PSAP: variants seen among roughly 807,000 people sequenced by gnomAD.
PSAP encodes precursor of saposins.
PSAP carries 25 observed loss-of-function variants against 66.0 expected under a neutral mutation model. That is an observed-to-expected ratio of 0.38 (90% CI 0.28 to 0.53). PSAP has a LOEUF of 0.53. Ranked by LOEUF, PSAP falls within the 20% of genes least tolerant of loss-of-function variation. PSAP has a pLI of 0.83. For synonymous variants in PSAP, 273 were observed against 258.9 expected (o/e 1.05, Z -0.52); for missense variants, 649 against 668.8 (o/e 0.97, Z 0.33).
rs1361617663 is a variant in PSAP, at chr10:71,816,431, G to C, written c.*1010C>G. 8.5e-6 allele frequency: 4 copies of C among 471,106 alleles called. No homozygotes were observed. Among genetic ancestry groups the C allele is most frequent in the Non-Finnish European group, 1.8e-5 (4 of 227,064 alleles). 29.2% of individuals were successfully genotyped at this position (471,106 alleles called of 1,614,324 possible). ...TCCTGGCAACCAGAAGTGGACAGAAGCGTGGGTGCCCAAGTGGGCCACAGA... is the reference window on the plus strand; with the variant it reads ...TCCTGGCAACCAGAAGTGGACAGAACCGTGGGTGCCCAAGTGGGCCACAGA... On this transcript the variant is annotated 3_prime_UTR_variant, in exon 14 of 14. Transcript: ENST00000394936.
intron 8 of PSAP, among the ~76,000 whole-genome samples, chr10:71,821,308 G>A (rs1193379663): frequency 1.3e-5 from 2 of 152,178 alleles, no homozygotes; most frequent in African/African-American, 4.8e-5. Flanking sequence ...TAAGCCCCAC[G>A]GGCACAATGA....
intron 11 of PSAP, 80 bp from the exon 12 acceptor site, chr10:71,819,191 G>A (rs2133029973): frequency 7.7e-7 from 1 of 1,292,866 alleles, no homozygotes; most frequent in Non-Finnish European, 1.1e-6. Context: ...GGCAGGCCCT[G>A]GATACACTGT....
chr10:71,848,074 C>G (rs771905721), intron 1 of PSAP, among the ~76,000 whole-genome samples: 2 of 152,152 alleles, frequency 1.3e-5, no homozygotes, highest in Non-Finnish European at 2.9e-5. Flanking sequence ...CTTTTTCCAC[C>G]AGAGGACTCA....
chr10:71,851,117 CCCATTCTGGGGCAGATGGA>C, intron 1 of PSAP, 46 bp downstream of exon 1: 1 of 1,530,146 alleles, frequency 6.5e-7, no homozygotes, highest in Non-Finnish European at 8.9e-7. Context: ...CCCGGCACAG[CCCATTCTGGGGCAGATGGA>C]CGCTGCGAGG....
intron 6 of PSAP, among the ~76,000 whole-genome samples, chr10:71,826,824 G>C (rs895841920): frequency 2.0e-5 from 3 of 152,066 alleles, no homozygotes; most frequent in African/African-American, 7.2e-5. Flanking sequence ...CCAAAGGACA[G>C]AGTAATTACA....
intron 1 of PSAP, among the ~76,000 whole-genome samples, chr10:71,846,668 G>T (rs781749231): frequency 4.7e-5 from 7 of 148,164 alleles, no homozygotes; most frequent in Non-Finnish European, 8.9e-5. Flanking sequence ...GGAGGTGGAG[G>T]TTGCAGTGAG....
chr10:71,829,692 T>C (rs924717800), intron 4 of PSAP, among the ~76,000 whole-genome samples: 10 of 152,112 alleles, frequency 6.6e-5, no homozygotes, highest in African/African-American at 2.4e-4. Flanking sequence ...CTCTTTCCCC[T>C]CAGCTCTTCT....
chr10:71,844,000 G>C (rs1298499143), intron 1 of PSAP, among the ~76,000 whole-genome samples: 1 of 152,182 alleles, frequency 6.6e-6, no homozygotes, highest in East Asian at 1.9e-4. Context: ...TAAAATTTAA[G>C]TACATCTATC....
At chr10:71,844,101 A>G (rs1040268188) in intron 1 of PSAP, among the ~76,000 whole-genome samples, 4 of 152,274 alleles carry the variant, frequency 2.6e-5, no homozygotes, top group African/African-American at 9.6e-5. Context: ...ACTCCTATCA[A>G]ATTAGCAAAA....
At chr10:71,837,405 T>C (rs1399811332) in intron 1 of PSAP, among the ~76,000 whole-genome samples, 1 of 152,188 alleles carries the variant, frequency 6.6e-6, no homozygotes, top group Non-Finnish European at 1.5e-5. Flanking sequence ...AAACAGTGGG[T>C]CAGAACCTTT....
Position 71,819,840 on chromosome 10 carries a change from C to T in PSAP, c.1066G>A (p.Glu356Lys). The change falls in exon 10 of 14, where the codon GAG becomes AAG. Residue 356 changes from glutamate (E) to lysine (K), a missense_variant. Physicochemically the swap from Glu to Lys is moderately conservative, Grantham distance 56. Transcript: ENST00000394936. ...CSKLPKSLSE[E>K]CQEVVDTYGS... ...TACGTGTCCACCACCTCCTGGCACT[C>T]TTCCGACAGGGACTTCGGCAGCTTC... 6.2e-7 allele frequency: 1 copy of T among 1,614,212 alleles called. No homozygotes were observed. The highest frequency in any genetic ancestry group is 1.1e-5 in the South Asian group (1 of 91,090).
intron 4 of PSAP, 146 bp from the exon 5 acceptor site, chr10:71,829,223 A>G (rs1842463494): frequency 4.8e-6 from 4 of 838,092 alleles, no homozygotes; most frequent in African/African-American, 3.4e-5. Flanking sequence ...TGCTCAGCAT[A>G]CCAAGAATGA....
At position 71,825,876 on chromosome 10, in the gene PSAP, G is replaced by C; in HGVS notation, c.738C>G (p.Ser246Arg). Residue 246 changes from serine to arginine, a missense_variant, in exon 7 of 14, where the codon AGC (serine) becomes AGG (arginine). Coordinates refer to ENST00000394936, the MANE Select transcript of PSAP (RefSeq NM_002778.4). ...TCTGGATAGCAATTTCAGAATACTG[G>C]CTGATATAGTTCTTGCACTGAGGAG... is the stretch of plus-strand genomic sequence containing the variant. ...GMADICKNYISQYSEIAIQMM... is the reference protein window; with the variant it reads ...GMADICKNYIRQYSEIAIQMM... 1.2e-6 allele frequency: 2 copies of C among 1,613,528 alleles called. No individual in the cohort carries two copies. Among genetic ancestry groups the C allele is most frequent in the Non-Finnish European group, 1.7e-6 (2 of 1,179,484 alleles).
chr10:71,834,415 G>A lies in PSAP; in HGVS notation c.131C>T (p.Ala44Val), dbSNP rs750553571. Residue 44 changes from alanine (A) to valine (V), a missense_variant, in exon 2 of 14, where the codon GCA becomes GTA. Ala to Val is a moderately conservative substitution (Grantham distance 64, BLOSUM62 0). Transcript: ENST00000394936. Reference protein sequence around the residue: ...QNVKTASDCGAVKHCLQTVWN... With the variant: ...QNVKTASDCGVVKHCLQTVWN... Reference sequence around the variant, plus strand: ...AACGGTCTGCAGGCAGTGCTTCACTGCCCCGCAGTCGGACGCCGTCTTCAC... The same window carrying A: ...AACGGTCTGCAGGCAGTGCTTCACTACCCCGCAGTCGGACGCCGTCTTCAC... 1 of 1,614,034 alleles carries A rather than the reference G, an allele frequency of 6.2e-7. No homozygotes were observed. Among genetic ancestry groups the A allele is most frequent in the South Asian group, 1.1e-5 (1 of 91,064 alleles).
intron 6 of PSAP, among the ~76,000 whole-genome samples, chr10:71,827,785 G>C (rs1369243558): frequency 1.3e-5 from 2 of 151,988 alleles, no homozygotes; most frequent in South Asian, 2.1e-4. Context: ...TAATACACAG[G>C]GTGCCTGGCA....
Position 71,819,895 on chromosome 10 carries a change from T to C in PSAP, c.1011A>G (p.Glu337=). Residue 337 remains glutamate (E), a synonymous_variant, in exon 10 of 14, where the codon GAA becomes GAG. Coordinates refer to ENST00000394936, the MANE Select transcript of PSAP (RefSeq NM_002778.4). ...KLIDNNKTEK[E]ILDAFDKMCS... ...ACATTTTGTCAAAAGCGTCGAGTAT[T>C]TCTTTCTGAAACACACGAGAGGATC... 1.2e-6 allele frequency: 2 copies of C among 1,613,998 alleles called. No homozygotes were observed. The highest frequency in any genetic ancestry group is 1.1e-5 in the South Asian group (1 of 91,062).
intron 1 of PSAP, among the ~76,000 whole-genome samples, chr10:71,835,378 G>A (rs956147074): frequency 1.4e-4 from 21 of 151,938 alleles, no homozygotes; most frequent in African/African-American, 3.9e-4. Flanking sequence ...CCAGGAGTTC[G>A]AGACCAGCCT....
intron 5 of PSAP, 131 bp downstream of exon 5, chr10:71,828,746 T>C: frequency 1.1e-6 from 1 of 908,176 alleles, no homozygotes; most frequent in Non-Finnish European, 1.7e-6. Context: ...AAAGGCTGGC[T>C]CATGTGACTG....
chr10:71,834,723 T>C (rs1231810733), intron 1 of PSAP, among the ~76,000 whole-genome samples: 1 of 152,212 alleles, frequency 6.6e-6, no homozygotes, highest in Non-Finnish European at 1.5e-5. Context: ...ATGTATCTGG[T>C]TCACGTTCAT....
Sources: allele counts gnomAD v4.1 joint callset (sites outside exome capture counted in the v4.1 genomes callset), GRCh38; gene constraint gnomAD v4.1.1; transcripts MANE v1.5; gene names NCBI Gene and HGNC (gene_info 2026-07-23, HGNC 2026-07-21).